The following WNK1 variants were observed in gnomAD, a reference collection of about 807,000 sequenced individuals.
WNK1 encodes WNK lysine deficient protein kinase 1.
Under a neutral mutation model 222.8 loss-of-function variants are expected in WNK1, and 38 were observed. That is an observed-to-expected ratio of 0.17 (90% CI 0.13 to 0.22). The LOEUF is 0.22. WNK1 is among the 10% of genes least tolerant of loss of function. The pLI is 1.00. For synonymous variants in WNK1, 1,090 were observed against 1,092.9 expected (o/e 1.00, Z 0.05); for missense variants, 2,348 against 2,918.4 (o/e 0.80, Z 4.50).
At position 896,550 on chromosome 12, in the gene WNK1, G is replaced by A. The variant is rs991124256; in HGVS notation, c.6063G>A (p.Arg2021=). 17 of 1,613,244 alleles carry A rather than the reference G, an allele frequency of 1.1e-5. No homozygotes were observed. The highest frequency in any genetic ancestry group is 1.4e-5 in the Non-Finnish European group (17 of 1,179,876). Residue 2021 remains arginine (R), a synonymous_variant, in exon 24 of 28, where the codon AGG becomes AGA. Transcript: ENST00000315939. The part of the protein sequence containing the change: ...SSDPEAAFLS[R]DVDDGSGSPH... ...ACCCGGAGGCCGCTTTTTTAAGTAG[G>A]GATGTGGATGATGGTTCCGGTAGTC...
At chr12:830,899 C>T (rs911061185) in intron 4 of WNK1, among the ~76,000 whole-genome samples, 1 of 152,202 alleles carries the variant, frequency 6.6e-6, no homozygotes, top group Admixed American at 6.5e-5. Context: ...TAGGCTCCAT[C>T]AAGGTCCACA....
intron 1 of WNK1, among the ~76,000 whole-genome samples, chr12:798,009 T>TG (rs1178432642): frequency 4.6e-5 from 7 of 151,720 alleles, no homozygotes; most frequent in Admixed American, 4.6e-4. Context: ...ATTGTGAAGA[T>TG]GAGTAATATT....
intron 26 of WNK1, among the ~76,000 whole-genome samples, chr12:904,734 T>C (rs190763774): frequency 7.2e-5 from 11 of 152,286 alleles, no homozygotes; most frequent in African/African-American, 1.9e-4. Flanking sequence ...TGGGTATATA[T>C]AGGGAGGTCA....
chr12:856,468 AAT>A (rs200433198), intron 4 of WNK1, among the ~76,000 whole-genome samples: 2 of 152,074 alleles, frequency 1.3e-5, no homozygotes, highest in African/African-American at 2.4e-5. Context: ...GAAAAAAAAA[AAT>A]AAGAAAGAAT....
chr12:895,400 T>G (rs1268657693), intron 23 of WNK1, among the ~76,000 whole-genome samples: 1 of 152,154 alleles, frequency 6.6e-6, no homozygotes, highest in Non-Finnish European at 1.5e-5. Flanking sequence ...CCCTAAAAAT[T>G]CTACAATGCC....
At chr12:891,648 T>A (rs1284334351) in intron 22 of WNK1, among the ~76,000 whole-genome samples, 1 of 151,220 alleles carries the variant, frequency 6.6e-6, no homozygotes, top group Non-Finnish European at 1.5e-5. Flanking sequence ...TAATAACAAC[T>A]TGAGAATTGC....
intron 4 of WNK1, among the ~76,000 whole-genome samples, chr12:844,212 A>G (rs970304799): frequency 1.3e-5 from 2 of 151,874 alleles, no homozygotes; most frequent in Non-Finnish European, 2.9e-5. Context: ...GCTCCCTGCA[A>G]CCTACGCCTC....
At position 908,459 on chromosome 12, in the gene WNK1, G is replaced by T. The variant is rs1297885468; in HGVS notation, c.6832-16G>T. On this transcript the variant is annotated splice_polypyrimidine_tract_variant and intron_variant, in intron 27 of 27. Coordinates refer to ENST00000315939, the MANE Select transcript of WNK1 (RefSeq NM_018979.4). ...TGGCCCACACCAGACTTGACACGTG[G>T]TGGTTTTGTTTTCAGGGCCCTGGAA... 1.2e-6 allele frequency: 2 copies of T among 1,614,038 alleles called. No homozygotes were observed. The highest frequency in any genetic ancestry group is 2.7e-5 in the African/African-American group (2 of 74,910).
intron 1 of WNK1, among the ~76,000 whole-genome samples, chr12:766,832 A>G (rs1941763973): frequency 6.6e-6 from 1 of 151,530 alleles, no homozygotes; most frequent in Admixed American, 6.6e-5. Flanking sequence ...GCTGGAGTGC[A>G]GTGGCATGAT....
In WNK1 at chr12:884,934, T is replaced by A. The variant is rs574069625; in HGVS notation, c.4130T>A (p.Val1377Glu). 4.6e-5 allele frequency: 75 copies of A among 1,614,178 alleles called. No homozygotes were observed. The South Asian group carries it at 8.1e-4, about 17-fold the overall frequency. Residue 1377 changes from valine to glutamate, a missense_variant, in exon 19 of 28, where the codon GTG (valine) becomes GAG (glutamate). Transcript: ENST00000315939. The surrounding 1 kb of genome is among the most constrained non-coding windows in gnomAD (Gnocchi z 5.6). ...TCAGTAATTCAGTCTGAGGTTACAG[T>A]GCCCACTGAAGAGGGGATTGCTGGA... ...STSVIQSEVT[V>E]PTEEGIAGVA...
chr12:851,417 A>G, intron 4 of WNK1: 1 of 1,109,484 alleles, frequency 9.0e-7, no homozygotes, highest in Non-Finnish European at 1.1e-6. Flanking sequence ...TTGCTTGTCT[A>G]GGATCTATTA....
chr12:878,005 G>T (rs1952783714), intron 9 of WNK1: 1 of 628,562 alleles, frequency 1.6e-6, no homozygotes, highest in Admixed American at 2.7e-5. Flanking sequence ...TAAAAGATTG[G>T]TTAATTTTTC....
chr12:871,612 C>CT (rs1006623471), intron 9 of WNK1, among the ~76,000 whole-genome samples: 7 of 151,712 alleles, frequency 4.6e-5, no homozygotes, highest in African/African-American at 9.7e-5. Flanking sequence ...GATTCTACAC[C>CT]TTTTTTTTGA....
At chr12:829,799 G>C in intron 3 of WNK1, 1 of 594,444 alleles carries the variant, frequency 1.7e-6, no homozygotes, top group Non-Finnish European at 3.0e-6. Flanking sequence ...TTCATATAAA[G>C]GCCTTGCAGT....
intron 26 of WNK1, 118 bp from the exon 27 acceptor site, chr12:907,729 C>G (rs1049462796): frequency 1.6e-6 from 2 of 1,237,806 alleles, no homozygotes; most frequent in African/African-American, 3.0e-5. Context: ...TGCATGGCTT[C>G]CCAGTTCATC....
intron 9 of WNK1, among the ~76,000 whole-genome samples, chr12:875,599 G>T (rs12581940): frequency 0.38 from 58,417 of 151,906 alleles, 11,673 homozygotes; most frequent in East Asian, 0.52. Context: ...CAATATAAGG[G>T]TTACATGAAT....
chr12:827,535 G>C lies in WNK1; in HGVS notation c.1153+273G>C, dbSNP rs1397312708. 1 of 522,462 alleles carries C rather than the reference G, an allele frequency of 1.9e-6. No individual in the cohort carries two copies. The highest frequency in any genetic ancestry group is 3.4e-6 in the Non-Finnish European group (1 of 293,620). The allele number at this position is 522,462 out of a possible 1,614,324, so 32.4% of individuals were successfully genotyped here. ...AATAGCCTTTTTTGTTGTTGTTGTTGTTGTTGTTGTTGAGATGGAGTCTCT... is the reference window on the plus strand; with the variant it reads ...AATAGCCTTTTTTGTTGTTGTTGTTCTTGTTGTTGTTGAGATGGAGTCTCT... On this transcript the variant is annotated intron_variant, in intron 3 of 27. Transcript: ENST00000315939. This position sits in a 1 kb window ranked among gnomAD's most constrained non-coding sequence, Gnocchi z 4.6.
rs575615969 is a variant in WNK1, at chr12:793,666, A to C, written c.760-19976A>C. Among the ~76,000 whole-genome samples, 22 of 152,304 alleles carry C rather than the reference A, an allele frequency of 1.4e-4. No individual in the cohort carries two copies. The East Asian group carries it at 4.2e-3, about 29-fold the overall frequency. ...TGGCCCTGAGACAGAACACTGGATT[A>C]GAAGCACTATAGGTTGACTAAATAT... On this transcript the variant is annotated intron_variant, in intron 1 of 27. Coordinates refer to ENST00000315939, the MANE Select transcript of WNK1 (RefSeq NM_018979.4).
intron 4 of WNK1, among the ~76,000 whole-genome samples, chr12:841,158 G>A (rs1949597048): frequency 6.6e-6 from 1 of 152,036 alleles, no homozygotes; most frequent in African/African-American, 2.4e-5. Flanking sequence ...CTGTTCACTG[G>A]TTTTTAGTAT....
Sources: gnomAD v4.1 joint callset for allele counts (sites outside exome capture counted in the v4.1 genomes callset) on GRCh38, gnomAD v4.1.1 for gene constraint, Gnocchi (gnomAD v3.1) non-coding constraint, MANE v1.5 for transcripts, NCBI Gene and HGNC (gene_info 2026-07-23, HGNC 2026-07-21) for gene names.